Variants in NLGN4X observed in about 807,000 individuals in gnomAD.
The protein encoded by NLGN4X is neuroligin-4, X-linked.
A neutral mutation model predicts 40.3 loss-of-function variants in NLGN4X; 3 were observed. The observed-to-expected ratio is 0.07, with a 90% CI of 0.03 to 0.19. NLGN4X has a LOEUF of 0.19. Among genes scored for constraint, NLGN4X ranks in the 10% least tolerant of loss-of-function variants. The pLI is 1.00. For missense variants in NLGN4X, 382 were observed against 708.3 expected (o/e 0.54, Z 5.23); for synonymous variants, 270 against 306.8 (o/e 0.88, Z 1.25).
chrX:6,215,894 T>TGA lies in NLGN4X; in HGVS notation c.-306+12645_-306+12646dup, dbSNP rs1224820634. On this transcript the variant is annotated intron_variant, in intron 1 of 5. Coordinates refer to ENST00000381095, the MANE Select transcript of NLGN4X (RefSeq NM_181332.3). ...ACTCAAACACTTTTTTTTTTTTTTT[T>TGA]GAGAGAGAGTCTTGCTCTGTCGCCC... 6.2e-3 allele frequency among the ~76,000 whole-genome samples: 446 copies of TGA among 71,462 alleles called. 6 individuals are homozygous for TGA. Among genetic ancestry groups the TGA allele is most frequent in the African/African-American group, 0.031 (429 of 13,955 alleles). 62.1% of individuals were successfully genotyped at this position (71,462 alleles called of 115,157 possible). A position where few individuals can be genotyped will look rare whatever the true frequency, so the allele number is the denominator to read the frequency against.
At chrX:6,059,333 G>A (rs1436860802) in intron 2 of NLGN4X, among the ~76,000 whole-genome samples, 1 of 111,810 alleles carries the variant, frequency 8.9e-6, no homozygotes, top group African/African-American at 3.2e-5. Context: ...TGATTAGAGG[G>A]TAACAGCACA....
intron 3 of NLGN4X, among the ~76,000 whole-genome samples, chrX:6,020,448 A>C (rs2036501935): frequency 8.9e-6 from 1 of 112,071 alleles, no homozygotes; most frequent in Admixed American, 9.5e-5. Flanking sequence ...ACAGAACTTG[A>C]AGCTGGAGGT....
At chrX:6,144,756 T>G (rs751452704) in intron 2 of NLGN4X, among the ~76,000 whole-genome samples, 4 of 111,617 alleles carry the variant, frequency 3.6e-5, no homozygotes, top group Non-Finnish European at 5.6e-5. Flanking sequence ...CCAGGATAGA[T>G]TCTCCCTATT....
rs773533089 is a variant in NLGN4X, at chrX:6,016,926, T to C, written c.625+12354A>G. ...AATGCCCCCAAAAGGCAAATCTATA[T>C]AGACAGGTAGATAGTTAGTGGAAGC... is the stretch of plus-strand genomic sequence containing the variant. On this transcript the variant is annotated intron_variant, in intron 3 of 5. Transcript: ENST00000381095. 4.5e-5 allele frequency among the ~76,000 whole-genome samples: 5 copies of C among 111,956 alleles called. No individual in the cohort carries two copies. In the South Asian group the frequency reaches 1.5e-3, roughly 34 times the overall value.
intron 3 of NLGN4X, among the ~76,000 whole-genome samples, chrX:5,935,658 C>A (rs1014622712): frequency 9.0e-6 from 1 of 111,727 alleles, no homozygotes; most frequent in Admixed American, 9.6e-5. Flanking sequence ...AATAGCTGAA[C>A]TCTTTACATA....
At chrX:5,943,431 A>C (rs761628433) in intron 3 of NLGN4X, among the ~76,000 whole-genome samples, 1 of 111,975 alleles carries the variant, frequency 8.9e-6, no homozygotes, top group African/African-American at 3.2e-5. Context: ...CTCACACTTC[A>C]GAGCTTCAGA....
In NLGN4X at chrX:6,058,071, G is replaced by T. The variant is rs771366463; in HGVS notation, c.473-28639C>A. Among the ~76,000 whole-genome samples the T allele has an allele frequency of 1.4e-4, 15 of 110,939 alleles. No homozygotes were observed. In the South Asian group the frequency reaches 5.7e-3, roughly 42 times the overall value. On this transcript the variant is annotated intron_variant, in intron 2 of 5. Transcript: ENST00000381095. ...TTTTTCAGAAGGGTATATAATCTTAGCAATTTTGGGCAGAATTTCAGATAT... is the reference window on the plus strand; with the variant it reads ...TTTTTCAGAAGGGTATATAATCTTATCAATTTTGGGCAGAATTTCAGATAT...
Position 6,116,290 on chromosome X carries a change from C to CAAAAAAAAA in NLGN4X, c.472+34696_472+34704dup, listed in dbSNP as rs758019203. On this transcript the variant is annotated intron_variant, in intron 2 of 5. Coordinates refer to ENST00000381095, the MANE Select transcript of NLGN4X (RefSeq NM_181332.3). ...CCTGGGCGACAGACCGAGACTCTGT[C>CAAAAAAAAA]AAAAAAAAAAAAAAAAAAAAAAAAA... is the stretch of plus-strand genomic sequence containing the variant. 2.0e-3 allele frequency among the ~76,000 whole-genome samples: 33 copies of CAAAAAAAAA among 16,165 alleles called. 5 individuals are homozygous for CAAAAAAAAA. The highest frequency in any genetic ancestry group is 2.7e-3 in the Non-Finnish European group (27 of 9,881). 14.0% of individuals were successfully genotyped at this position (16,165 alleles called of 115,157 possible). A position where few individuals can be genotyped will look rare whatever the true frequency, so the allele number is the denominator to read the frequency against.
rs2031263848 is a variant in NLGN4X, at chrX:5,892,955, G to T, written c.2313C>A (p.Ile771=). Residue 771 remains isoleucine (I), a synonymous_variant, in exon 6 of 6, where the codon ATC becomes ATA. Coordinates refer to ENST00000381095, the MANE Select transcript of NLGN4X (RefSeq NM_181332.3). The part of the protein sequence containing the change: ...TLTLRRSPDD[I]PLMTPNTITM... Reference sequence around the variant, plus strand: ...TGATGGTGTTTGGCGTCATAAGTGGGATGTCATCTGGCGACCGGCGCAGCG... The same window carrying T: ...TGATGGTGTTTGGCGTCATAAGTGGTATGTCATCTGGCGACCGGCGCAGCG... 8.3e-7 allele frequency: 1 copy of T among 1,211,703 alleles called. No individual in the cohort carries two copies. The highest frequency in any genetic ancestry group is 1.7e-5 in the African/African-American group (1 of 57,744).
intron 3 of NLGN4X, among the ~76,000 whole-genome samples, chrX:5,990,430 C>T (rs140934602): frequency 2.9e-4 from 32 of 110,800 alleles, no homozygotes; most frequent in Non-Finnish European, 4.7e-4. Context: ...CTGCAAGATG[C>T]CTTTTAGAGA....
chrX:6,175,761 T>C (rs947376364), intron 1 of NLGN4X, among the ~76,000 whole-genome samples: 1 of 108,767 alleles, frequency 9.2e-6, no homozygotes, highest in Non-Finnish European at 1.9e-5. Flanking sequence ...TACAAGTTAA[T>C]CTCTGTTCTA....
In NLGN4X at chrX:5,903,783, T is replaced by C. The variant is rs1460287170; in HGVS notation, c.895A>G (p.Ile299Val). ...TTGCAGCCGACCTTGTCTGCCAATA[T>C]CCGAGTGTACTTGGCCGGCTGGTAG... ...VNYQPAKYTRILADKVGCNML... is the reference protein window; with the variant it reads ...VNYQPAKYTRVLADKVGCNML... Residue 299 changes from isoleucine to valine, a missense_variant, in exon 5 of 6, where the codon ATA (isoleucine) becomes GTA (valine). Physicochemically the swap from Ile to Val is conservative, Grantham distance 29. Transcript: ENST00000381095. The C allele has an allele frequency of 1.7e-6, 2 of 1,211,806 alleles. No homozygotes were observed. The highest frequency in any genetic ancestry group is 1.8e-5 in the South Asian group (1 of 56,959).
rs765675562 is a variant in NLGN4X, at chrX:6,076,873, C to A, written c.473-47441G>T. On this transcript the variant is annotated intron_variant, in intron 2 of 5. Transcript: ENST00000381095. ...CACTTGGATAACTCTCTTTGCTTTT[C>A]ATGCAGTTGCTTCTCATGGTGTTTA... Among the ~76,000 whole-genome samples, 7 of 112,366 alleles carry A rather than the reference C, an allele frequency of 6.2e-5. No individual in the cohort carries two copies. The South Asian group carries it at 2.6e-3, about 42-fold the overall frequency.
intron 3 of NLGN4X, among the ~76,000 whole-genome samples, chrX:6,005,916 T>C (rs894143978): frequency 1.8e-5 from 2 of 111,466 alleles, no homozygotes; most frequent in African/African-American, 6.5e-5. Flanking sequence ...CTAAGTATCA[T>C]CCAGGAGTCC....
chrX:6,107,636 G>T (rs1452208188), intron 2 of NLGN4X, among the ~76,000 whole-genome samples: 1 of 111,301 alleles, frequency 9.0e-6, no homozygotes, highest in African/African-American at 3.3e-5. Flanking sequence ...TGGACTTCTA[G>T]GGTTCCAATC....
At chrX:5,974,162 G>A (rs2035107480) in intron 3 of NLGN4X, among the ~76,000 whole-genome samples, 4 of 112,128 alleles carry the variant, frequency 3.6e-5, no homozygotes, top group Admixed American at 1.9e-4. Flanking sequence ...TGAAGGGGTG[G>A]GGAATGGCAT....
chrX:6,159,712 G>T (rs1484150183), intron 1 of NLGN4X, among the ~76,000 whole-genome samples: 1 of 111,460 alleles, frequency 9.0e-6, no homozygotes, highest in Non-Finnish European at 1.9e-5. Flanking sequence ...GCAAAACGAG[G>T]GCTTGTGCCA....
chrX:6,087,285 A>C (rs961108435), intron 2 of NLGN4X, among the ~76,000 whole-genome samples: 2 of 110,386 alleles, frequency 1.8e-5, no homozygotes, highest in East Asian at 2.9e-4. Context: ...AGCAACATAC[A>C]CACATTTGTA....
intron 3 of NLGN4X, among the ~76,000 whole-genome samples, chrX:5,944,716 C>T (rs1296702492): frequency 9.5e-6 from 1 of 105,160 alleles, no homozygotes. Context: ...ACCTTGGAAA[C>T]CTCTCTGGTC....
Sources: gnomAD v4.1 joint callset for allele counts (sites outside exome capture counted in the v4.1 genomes callset) on GRCh38, gnomAD v4.1.1 for gene constraint, MANE v1.5 for transcripts, NCBI Gene and HGNC (gene_info 2026-07-23, HGNC 2026-07-21) for gene names.